DCDC1: variants seen among roughly 807,000 people sequenced by gnomAD.
DCDC1 encodes doublecortin domain-containing protein 1.
Under a neutral mutation model 178.3 loss-of-function variants are expected in DCDC1, and 200 were observed. The observed-to-expected ratio is 1.12, with a 90% CI of 1.00 to 1.26. The LOEUF (loss-of-function observed/expected upper bound fraction) is 1.26, where lower values mean the gene tolerates loss of function less well. Among genes scored for constraint, DCDC1 ranks in the 50% most tolerant of loss-of-function variants. The pLI, the probability that DCDC1 is intolerant of heterozygous loss-of-function variation, is 0.00. For synonymous variants in DCDC1, 690 were observed against 604.8 expected, an observed-to-expected ratio of 1.14 and a Z score of -2.07; for missense variants, 1,983 against 1,749.2, an observed-to-expected ratio of 1.13 and a Z score of -2.38.
intron 3 of DCDC1, among the ~76,000 whole-genome samples, chr11:31,310,308 ATT>A (rs11407483): frequency 6.8e-3 from 367 of 53,806 alleles, no homozygotes; most frequent in African/African-American, 0.03. Flanking sequence ...GTAATTCTTG[ATT>A]TTTTTTTTTT....
chr11:30,971,609 T>G (rs1319289644), intron 20 of DCDC1, among the ~76,000 whole-genome samples: 1 of 121,370 alleles, frequency 8.2e-6, no homozygotes, highest in South Asian at 2.6e-4. Flanking sequence ...CTTTGTTTTT[T>G]TTTTTTTTTT....
chr11:30,873,903 T>C (rs74548134), intron 38 of DCDC1, among the ~76,000 whole-genome samples: 2,745 of 152,272 alleles, frequency 0.018, 79 homozygotes, highest in African/African-American at 0.063. Context: ...TGAAGGCAGC[T>C]TAATGAACAT....
chr11:31,208,485 T>C (rs1054165549), intron 9 of DCDC1, among the ~76,000 whole-genome samples: 2 of 152,198 alleles, frequency 1.3e-5, no homozygotes, highest in Non-Finnish European at 2.9e-5. Flanking sequence ...CTCCACTCTT[T>C]GGAGGTTTGT....
rs1374094775 is a variant in DCDC1, at chr11:31,080,137, G to C, written c.2238-2212C>G. ...CTATATTATAATTAATAAAGGAAAA[G>C]AGAAGCTTTTTAAATTTTGACTTGG... On this transcript the variant is annotated intron_variant, in intron 17 of 38. Transcript: ENST00000684477. 2.0e-5 allele frequency among the ~76,000 whole-genome samples: 3 copies of C among 152,228 alleles called. No individual in the cohort carries two copies. The East Asian group carries it at 5.8e-4, about 29-fold the overall frequency.
chr11:31,313,244 T>G (rs1948871508), intron 3 of DCDC1, among the ~76,000 whole-genome samples: 1 of 152,204 alleles, frequency 6.6e-6, no homozygotes, highest in Non-Finnish European at 1.5e-5. Context: ...TTTGCTTAAC[T>G]TTATTTTTAC....
intron 1 of DCDC1, among the ~76,000 whole-genome samples, chr11:31,348,185 T>C (rs1950905006): frequency 6.6e-6 from 1 of 152,216 alleles, no homozygotes; most frequent in Non-Finnish European, 1.5e-5. Context: ...TTCCTATCTA[T>C]CATCAAAATT....
intron 1 of DCDC1, among the ~76,000 whole-genome samples, chr11:31,343,344 T>C (rs1950642500): frequency 6.6e-6 from 1 of 152,132 alleles, no homozygotes; most frequent in African/African-American, 2.4e-5. Context: ...TTCACTCTTG[T>C]TGCCCAGGCT....
chr11:31,293,098 T>C (rs963028601), intron 6 of DCDC1, among the ~76,000 whole-genome samples: 1 of 152,194 alleles, frequency 6.6e-6, no homozygotes, highest in Non-Finnish European at 1.5e-5. Context: ...AGGGATTAAA[T>C]ATCTTATATG....
intron 36 of DCDC1, among the ~76,000 whole-genome samples, chr11:30,891,180 C>A (rs959565820): frequency 6.6e-6 from 1 of 152,114 alleles, no homozygotes; most frequent in African/African-American, 2.4e-5. Flanking sequence ...CTACTTACGA[C>A]TATTGATGTT....
intron 32 of DCDC1, among the ~76,000 whole-genome samples, chr11:30,900,937 G>T (rs1437439369): frequency 6.6e-6 from 1 of 151,968 alleles, no homozygotes; most frequent in African/African-American, 2.4e-5. Context: ...AATATGCTTA[G>T]AAGAAATAGT....
At chr11:31,179,823 C>T (rs979481843) in intron 9 of DCDC1, among the ~76,000 whole-genome samples, 20 of 151,974 alleles carry the variant, frequency 1.3e-4, no homozygotes, top group Non-Finnish European at 2.2e-4. Flanking sequence ...GACAAAGACA[C>T]AACAACAACA....
At chr11:30,908,208 A>C (rs1000304355) in intron 29 of DCDC1, among the ~76,000 whole-genome samples, 2 of 152,220 alleles carry the variant, frequency 1.3e-5, no homozygotes, top group Non-Finnish European at 2.9e-5. Flanking sequence ...AAACCTATGA[A>C]GATTCTGGCC....
chr11:31,024,385 T>A (rs1325312930), intron 20 of DCDC1, among the ~76,000 whole-genome samples: 2 of 150,206 alleles, frequency 1.3e-5, no homozygotes, highest in Admixed American at 1.3e-4. Flanking sequence ...GTTTCCAAAC[T>A]CACACTCACA....
chr11:31,246,138 T>C (rs1943549429), intron 8 of DCDC1, among the ~76,000 whole-genome samples: 1 of 152,024 alleles, frequency 6.6e-6, no homozygotes, highest in South Asian at 2.1e-4. Flanking sequence ...AGATCAGGAT[T>C]TTTTGTTAAT....
intron 13 of DCDC1, among the ~76,000 whole-genome samples, chr11:31,103,984 T>G (rs1354911342): frequency 6.6e-6 from 1 of 152,176 alleles, no homozygotes; most frequent in East Asian, 1.9e-4. Context: ...CCAAAATAGT[T>G]TCAACATATG....
intron 1 of DCDC1, among the ~76,000 whole-genome samples, chr11:31,362,216 C>T (rs1222045189): frequency 6.6e-6 from 1 of 152,068 alleles, no homozygotes; most frequent in Non-Finnish European, 1.5e-5. Context: ...AATAACCTTT[C>T]CTTTTCTTGT....
chr11:31,140,227 T>C (rs1963648168), intron 9 of DCDC1, among the ~76,000 whole-genome samples: 1 of 152,206 alleles, frequency 6.6e-6, no homozygotes, highest in Admixed American at 6.5e-5. Context: ...TAACTTTTTG[T>C]CAATGGGTTT....
At chr11:31,339,147 G>A (rs1950417346) in intron 1 of DCDC1, among the ~76,000 whole-genome samples, 1 of 152,070 alleles carries the variant, frequency 6.6e-6, no homozygotes, top group Non-Finnish European at 1.5e-5. Context: ...AAGTCAGTTG[G>A]TTGCCTGAAA....
chr11:31,051,989 T>C (rs1565223735), intron 20 of DCDC1, among the ~76,000 whole-genome samples: 1 of 152,078 alleles, frequency 6.6e-6, no homozygotes, highest in Non-Finnish European at 1.5e-5. Context: ...AAAGCAATGG[T>C]ACATCACATT....
Sources: allele counts gnomAD v4.1 joint callset (sites outside exome capture counted in the v4.1 genomes callset), GRCh38; gene constraint gnomAD v4.1.1; transcripts MANE v1.5; gene names NCBI Gene and HGNC (gene_info 2026-07-23, HGNC 2026-07-21).